ADCK5: variants seen among roughly 807,000 people sequenced by gnomAD.
The protein encoded by ADCK5 is uncharacterized aarF domain-containing protein kinase 5.
A neutral mutation model predicts 64.9 loss-of-function variants in ADCK5; 43 were observed. The ratio of observed to expected loss-of-function variants is 0.66; its 90% CI spans 0.52 to 0.85. ADCK5 has a LOEUF of 0.85. Ranked by LOEUF, ADCK5 falls within the 40% of genes least tolerant of loss-of-function variation. ADCK5 has a pLI of 0.00. For synonymous variants in ADCK5, 434 were observed against 342.8 expected, an observed-to-expected ratio of 1.27 and a Z score of -2.94; for missense variants, 760 against 810.5, an observed-to-expected ratio of 0.94 and a Z score of 0.76.
Position 144,392,981 on chromosome 8 carries a change from GGCCATGCGGCTGACC to G in ADCK5, c.1654_1668del (p.Met552_Ala556del). 1 of 1,588,480 alleles carries G rather than the reference GGCCATGCGGCTGACC, an allele frequency of 6.3e-7. No homozygotes were observed. The highest frequency in any genetic ancestry group is 8.5e-7 in the Non-Finnish European group (1 of 1,170,502). ...CTGACCCACGCAGGCTGGAGACCTT[GGCCATGCGGCTGACC>G]GCCCTCCTGGCTCGTGCTCTGGTCC... On this transcript the variant is annotated inframe_deletion, in exon 15 of 15. Coordinates refer to ENST00000308860, the MANE Select transcript of ADCK5 (RefSeq NM_174922.5).
intron 1 of ADCK5, among the ~76,000 whole-genome samples, chr8:144,374,450 G>A (rs1819281976): frequency 6.6e-6 from 1 of 152,172 alleles, no homozygotes; most frequent in Non-Finnish European, 1.5e-5. Flanking sequence ...GCCCGCCTCA[G>A]CCTCCCCGAG....
At position 144,391,856 on chromosome 8, in the gene ADCK5, C is replaced by T. The variant is rs782081313; in HGVS notation, c.1004C>T (p.Ala335Val). Residue 335 changes from alanine to valine, a missense_variant, in exon 9 of 15, where the codon GCA (alanine) becomes GTA (valine). Physicochemically the swap from Ala to Val is moderately conservative, Grantham distance 64. Coordinates refer to ENST00000308860, the MANE Select transcript of ADCK5 (RefSeq NM_174922.5). ...GAGGCCATCAGGAGCCAGGGGCTGGCAGTGCATGACGTGAGTGCGGGGGGG... is the reference window on the plus strand; with the variant it reads ...GAGGCCATCAGGAGCCAGGGGCTGGTAGTGCATGACGTGAGTGCGGGGGGG... ...DVEAIRSQGLAVHDIAEKLIK... is the reference protein window; with the variant it reads ...DVEAIRSQGLVVHDIAEKLIK... 1.8e-5 allele frequency: 24 copies of T among 1,336,918 alleles called. No homozygotes were observed. The highest frequency in any genetic ancestry group is 2.9e-4 in the Middle Eastern group (1 of 3,492). 82.8% of individuals were successfully genotyped at this position (1,336,918 alleles called of 1,614,324 possible).
At chr8:144,392,930 C>T in intron 14 of ADCK5, 38 bp downstream of exon 14, 5 of 1,587,722 alleles carry the variant, frequency 3.1e-6, no homozygotes, top group South Asian at 1.1e-5. Context: ...CGGGGGCCTG[C>T]TCCCCACCCA....
At chr8:144,381,916 A>C (rs1819675155) in intron 2 of ADCK5, among the ~76,000 whole-genome samples, 1 of 148,400 alleles carries the variant, frequency 6.7e-6, no homozygotes. Flanking sequence ...GGCCGGGTGT[A>C]GAAACAGATG....
chr8:144,393,081 G>C lies in ADCK5; in HGVS notation c.*7G>C. 6.4e-7 allele frequency: 1 copy of C among 1,552,676 alleles called. No individual in the cohort carries two copies. The highest frequency in any genetic ancestry group is 8.7e-7 in the Non-Finnish European group (1 of 1,154,026). On this transcript the variant is annotated 3_prime_UTR_variant, in exon 15 of 15. Transcript: ENST00000308860. ...CCAGTACCTGGAGACCTAGGGTGCA[G>C]CCGCCCAGGGCCGGCGGGGCCCTTT...
chr8:144,385,996 TTCCCCCAC>T (rs1214343733), intron 3 of ADCK5, among the ~76,000 whole-genome samples: 2 of 152,008 alleles, frequency 1.3e-5, no homozygotes, highest in African/African-American at 4.8e-5. Flanking sequence ...GTGTTTTGCT[TTCCCCCAC>T]CGCCCCTTTT....
chr8:144,389,231 T>G (rs1554859869), intron 3 of ADCK5: 1 of 456,206 alleles, frequency 2.2e-6, no homozygotes, highest in South Asian at 1.5e-5. Flanking sequence ...TGTCCCCCAC[T>G]TCCTGCCTTA....
chr8:144,377,563 T>C (rs1450782275), intron 1 of ADCK5: 1 of 152,220 alleles, frequency 6.6e-6, no homozygotes, highest in Non-Finnish European at 1.5e-5. Context: ...TTGGCCAGGA[T>C]GGTCTTAATC....
At chr8:144,375,028 C>G (rs1363924717) in intron 1 of ADCK5, among the ~76,000 whole-genome samples, 1 of 152,268 alleles carries the variant, frequency 6.6e-6, no homozygotes, top group Non-Finnish European at 1.5e-5. Context: ...CCTTGCCCGT[C>G]TGGCTATAAA....
At position 144,374,102 on chromosome 8, in the gene ADCK5, C is replaced by A; in HGVS notation, c.7C>A (p.Arg3=). Residue 3 remains arginine, a synonymous_variant, in exon 1 of 15, where the codon CGA becomes AGA. Transcript: ENST00000308860. The part of the protein sequence containing the change: MW[R]PVQLCHFHSA... ...AGCGGAGCAGTGGTCGGAGATGTGG[C>A]GACCGGTGAGGACTCTCCCGGCCCG... The A allele has an allele frequency of 1.6e-6, 2 of 1,248,644 alleles. No homozygotes were observed. Among genetic ancestry groups the A allele is most frequent in the Non-Finnish European group, 2.0e-6 (2 of 988,992 alleles). The allele number at this position is 1,248,644 out of a possible 1,614,324, so 77.3% of individuals were successfully genotyped here. A position where few individuals can be genotyped will look rare whatever the true frequency, so the allele number is the denominator to read the frequency against.
chr8:144,381,812 A>T (rs1165771367), intron 2 of ADCK5, among the ~76,000 whole-genome samples: 3 of 72,254 alleles, frequency 4.2e-5, no homozygotes, highest in Non-Finnish European at 5.7e-5. Context: ...GGGTGTAGAA[A>T]CAGATGTGTG....
chr8:144,385,435 C>T (rs1252932304), intron 3 of ADCK5, among the ~76,000 whole-genome samples: 2 of 151,206 alleles, frequency 1.3e-5, no homozygotes, highest in Non-Finnish European at 2.9e-5. Context: ...CTGCTCAGCT[C>T]GGCCTCTCAA....
intron 2 of ADCK5, among the ~76,000 whole-genome samples, chr8:144,382,300 A>C (rs1443831255): frequency 6.6e-6 from 1 of 152,190 alleles, no homozygotes; most frequent in Non-Finnish European, 1.5e-5. Flanking sequence ...GTGCAGAAAC[A>C]GATGTGTTCT....
rs1239694125 is a variant in ADCK5, at chr8:144,391,807, G to A, written c.955G>A (p.Ala319Thr). Reference sequence around the variant, plus strand: ...GCGCGTGCTCACTGCCGACTTCTGCGCCGGCTGCAAGGTCAACGATGTGGA... The same window carrying A: ...GCGCGTGCTCACTGCCGACTTCTGCACCGGCTGCAAGGTCAACGATGTGGA... ...SKRVLTADFC[A>T]GCKVNDVEAI... The change falls in exon 9 of 15, where the codon GCC becomes ACC. Residue 319 changes from alanine (A) to threonine (T), a missense_variant. Ala to Thr is a moderately conservative substitution (Grantham distance 58, BLOSUM62 0). Coordinates refer to ENST00000308860, the MANE Select transcript of ADCK5 (RefSeq NM_174922.5). 55 of 1,567,256 alleles carry A rather than the reference G, an allele frequency of 3.5e-5. No homozygotes were observed. Among genetic ancestry groups the A allele is most frequent in the Non-Finnish European group, 4.0e-5 (46 of 1,163,508 alleles).
Position 144,391,192 on chromosome 8 carries a change from T to C in ADCK5, c.602T>C (p.Phe201Ser), listed in dbSNP as rs782676154. The C allele has an allele frequency of 6.2e-7, 1 of 1,612,482 alleles. No homozygotes were observed. Among genetic ancestry groups the C allele is most frequent in the Non-Finnish European group, 8.5e-7 (1 of 1,180,008 alleles). ...QALPHELFQE[F>S]DYQPIAAASL... ...CTCCCCCACGAGCTCTTCCAGGAGT[T>C]TGACTACCAGCCAATTGCTGCCGCC... Residue 201 changes from phenylalanine (F) to serine (S), a missense_variant, in exon 6 of 15, where the codon TTT becomes TCT. Transcript: ENST00000308860.
At position 144,392,969 on chromosome 8, in the gene ADCK5, G is replaced by T; in HGVS notation, c.1638G>T (p.Arg546Ser). 6.3e-7 allele frequency: 1 copy of T among 1,587,416 alleles called. No individual in the cohort carries two copies. ...WEMLKFEVAL[R>S]LETLAMRLTA... Reference sequence around the variant, plus strand: ...GTGACCTGTGACCTGACCCACGCAGGCTGGAGACCTTGGCCATGCGGCTGA... The same window carrying T: ...GTGACCTGTGACCTGACCCACGCAGTCTGGAGACCTTGGCCATGCGGCTGA... Residue 546 changes from arginine (R) to serine (S), a missense_variant and splice_region_variant, in exon 15 of 15, where the codon AGG becomes AGT. Arg to Ser is a moderately radical substitution (Grantham distance 110, BLOSUM62 -1). This residue lies in a region of ADCK5 where 333 missense variants were observed against 292.0 expected (regional missense o/e 1.14). Coordinates refer to ENST00000308860, the MANE Select transcript of ADCK5 (RefSeq NM_174922.5).
In ADCK5 at chr8:144,393,101, C is replaced by T. The variant is rs1298993960; in HGVS notation, c.*27C>T. 2.6e-6 allele frequency: 4 copies of T among 1,514,198 alleles called. No homozygotes were observed. The highest frequency in any genetic ancestry group is 2.8e-5 in the African/African-American group (2 of 72,046). The allele number at this position is 1,514,198 out of a possible 1,614,324, so 93.8% of individuals were successfully genotyped here. On this transcript the variant is annotated 3_prime_UTR_variant, in exon 15 of 15. Transcript: ENST00000308860. ...GTGCAGCCGCCCAGGGCCGGCGGGG[C>T]CCTTTTCACCTTGGGCTGACGGAGG...
intron 1 of ADCK5, among the ~76,000 whole-genome samples, chr8:144,378,436 C>T (rs1819463025): frequency 6.6e-6 from 1 of 152,028 alleles, no homozygotes; most frequent in Non-Finnish European, 1.5e-5. Context: ...GGCACTTTCC[C>T]CTTTGCCCTC....
intron 3 of ADCK5, among the ~76,000 whole-genome samples, chr8:144,388,135 G>A (rs941791118): frequency 2.6e-5 from 4 of 151,968 alleles, no homozygotes; most frequent in Non-Finnish European, 2.9e-5. Context: ...CGAGGAGGGC[G>A]GATCACGAGG....
Sources: gnomAD v4.1 joint callset for allele counts (sites outside exome capture counted in the v4.1 genomes callset) on GRCh38, gnomAD v4.1.1 for gene constraint, gnomAD v4.1.1 regional missense constraint, MANE v1.5 for transcripts, NCBI Gene and HGNC (gene_info 2026-07-23, HGNC 2026-07-21) for gene names.